The following ARID1B variants were observed in gnomAD, a reference collection of about 807,000 sequenced individuals.
ARID1B encodes AT-rich interaction domain 1B.
ARID1B carries 30 observed loss-of-function variants against 212.3 expected under a neutral mutation model. That is an observed-to-expected ratio of 0.14 (90% CI 0.11 to 0.19). ARID1B has a LOEUF of 0.19. ARID1B is among the 10% of genes least tolerant of loss of function. The probability of loss-of-function intolerance (pLI) is 1.00; values close to 1 mark genes in which losing one functional copy is unlikely to be tolerated. For synonymous variants in ARID1B, 1,402 were observed against 1,301.7 expected, an observed-to-expected ratio of 1.08 and a Z score of -1.66; for missense variants, 2,891 against 3,204.0, an observed-to-expected ratio of 0.90 and a Z score of 2.36.
At chr6:156,893,523 T>G (rs757117231) in intron 2 of ARID1B, among the ~76,000 whole-genome samples, 3 of 152,058 alleles carry the variant, frequency 2.0e-5, no homozygotes, top group Non-Finnish European at 4.4e-5. Context: ...GGAGAAAATA[T>G]TTGCAAATCA....
chr6:157,140,534 G>T (rs1789271605), intron 7 of ARID1B: 2 of 398,300 alleles, frequency 5.0e-6, no homozygotes, highest in Non-Finnish European at 8.9e-6. Flanking sequence ...ATTGTCAGTT[G>T]TCCAACCATA....
chr6:156,951,863 T>C (rs1793615025), intron 4 of ARID1B, among the ~76,000 whole-genome samples: 1 of 152,208 alleles, frequency 6.6e-6, no homozygotes, highest in Admixed American at 6.5e-5. Context: ...AAATATGAGT[T>C]TTTAATATAG....
Position 157,174,864 on chromosome 6 carries a change from G to C in ARID1B, c.3363G>C (p.Gln1121His). ...ESKSKDSYSS[Q>H]GISQPPTPGN... ...TACCACAGGATAGCTACAGCTCTCA[G>C]GGTATTTCTCAGCCCCCAACCCCAG... The change falls in exon 11 of 20, where the codon CAG (glutamine) becomes CAC (histidine). Residue 1121 changes from glutamine to histidine, a missense_variant. Physicochemically the swap from Gln to His is conservative, Grantham distance 24. This residue lies in a region of ARID1B where 1,643 missense variants were observed against 1,544.0 expected (regional missense o/e 1.06). Transcript: ENST00000636930. The C allele has an allele frequency of 6.4e-7, 1 of 1,555,002 alleles. No individual in the cohort carries two copies. The highest frequency in any genetic ancestry group is 8.7e-7 in the Non-Finnish European group (1 of 1,150,620).
chr6:157,116,053 T>C (rs1391780098), intron 6 of ARID1B, among the ~76,000 whole-genome samples: 1 of 152,220 alleles, frequency 6.6e-6, no homozygotes, highest in Non-Finnish European at 1.5e-5. Flanking sequence ...TTTATCCTTA[T>C]TTCTTAATCT....
At chr6:157,031,187 T>C (rs1340462272) in intron 4 of ARID1B, among the ~76,000 whole-genome samples, 2 of 152,226 alleles carry the variant, frequency 1.3e-5, no homozygotes, top group African/African-American at 4.8e-5. Flanking sequence ...GCAACCCATA[T>C]GCTTCTCCTG....
chr6:157,058,593 T>A (rs1347997363), intron 4 of ARID1B, among the ~76,000 whole-genome samples: 1 of 152,214 alleles, frequency 6.6e-6, no homozygotes, highest in Non-Finnish European at 1.5e-5. Flanking sequence ...TGTGCCAAAT[T>A]ATTTATTTCC....
intron 2 of ARID1B, among the ~76,000 whole-genome samples, chr6:156,896,046 G>A (rs1269205372): frequency 6.6e-5 from 10 of 152,212 alleles, no homozygotes; most frequent in South Asian, 2.1e-4. Context: ...GATATGTGGC[G>A]TCTTACTCCT....
intron 4 of ARID1B, among the ~76,000 whole-genome samples, chr6:156,953,060 T>C (rs1167446523): frequency 6.6e-6 from 1 of 152,264 alleles, no homozygotes; most frequent in East Asian, 1.9e-4. Flanking sequence ...ACTGCGTAAT[T>C]GTGAAACAGT....
intron 5 of ARID1B, among the ~76,000 whole-genome samples, chr6:157,095,738 T>G (rs1245407842): frequency 6.6e-6 from 1 of 152,224 alleles, no homozygotes; most frequent in African/African-American, 2.4e-5. Flanking sequence ...TACTGTTGTA[T>G]TCTCAAGTCC....
chr6:156,878,344 C>T (rs1786742640), intron 2 of ARID1B, among the ~76,000 whole-genome samples: 1 of 152,178 alleles, frequency 6.6e-6, no homozygotes, highest in Admixed American at 6.5e-5. Context: ...AGGGCAGGAA[C>T]AAGGGAGACC....
intron 4 of ARID1B, among the ~76,000 whole-genome samples, chr6:157,014,298 C>T (rs1483583588): frequency 6.6e-6 from 1 of 152,184 alleles, no homozygotes; most frequent in Non-Finnish European, 1.5e-5. Flanking sequence ...ACCAGTCTCC[C>T]TTGGTTCTTA....
intron 1 of ARID1B, among the ~76,000 whole-genome samples, chr6:156,826,138 A>G (rs1391405368): frequency 6.6e-6 from 1 of 152,212 alleles, no homozygotes; most frequent in South Asian, 2.1e-4. Flanking sequence ...ATTGTATCAC[A>G]TGGTGAATTT....
intron 4 of ARID1B, among the ~76,000 whole-genome samples, chr6:157,001,506 C>T (rs11156130): frequency 0.29 from 43,978 of 151,894 alleles, 6,514 homozygotes; most frequent in Non-Finnish European, 0.32. Context: ...GACCAACCAT[C>T]GAAGCAGCTA....
intron 2 of ARID1B, among the ~76,000 whole-genome samples, chr6:156,885,533 T>G (rs1787432625): frequency 6.6e-6 from 1 of 152,248 alleles, no homozygotes; most frequent in Admixed American, 6.5e-5. Flanking sequence ...TGTTACTGAT[T>G]TTAAAATGTC....
chr6:157,001,096 A>G (rs1778887386), intron 4 of ARID1B, among the ~76,000 whole-genome samples: 1 of 152,200 alleles, frequency 6.6e-6, no homozygotes, highest in African/African-American at 2.4e-5. Context: ...ATAGCTATCA[A>G]TTCCTTCAGA....
chr6:156,887,228 G>A lies in ARID1B; in HGVS notation c.1987-14148G>A, dbSNP rs1417111588. ...CTGTGTCAGTGTGCAGCCTCCTCTC[G>A]GGAGAGCAGTGGGTGCCAGTAACGT... On this transcript the variant is annotated intron_variant, in intron 2 of 19. Transcript: ENST00000636930. 3.3e-5 allele frequency among the ~76,000 whole-genome samples: 5 copies of A among 152,120 alleles called. No individual in the cohort carries two copies. In the East Asian group the frequency reaches 9.6e-4, roughly 29 times the overall value.
chr6:157,201,404 A>G lies in ARID1B; in HGVS notation c.5179A>G (p.Arg1727Gly). 6.3e-7 allele frequency: 1 copy of G among 1,589,610 alleles called. No homozygotes were observed. Residue 1727 changes from arginine to glycine, a missense_variant, in exon 18 of 20, where the codon AGG (arginine) becomes GGG (glycine). This residue lies in a region of ARID1B where 666 missense variants were observed against 873.5 expected (regional missense o/e 0.76). Transcript: ENST00000636930. The surrounding 1 kb of genome is among the most constrained non-coding windows in gnomAD (Gnocchi z 5.2). The part of the protein sequence containing the change: ...GPPPQPPPIR[R>G]EITFPPGSVE... The stretch of plus-strand genomic sequence containing the variant: ...ACCACCCCAACCACCCCCAATCAGA[A>G]GGGAGATCACCTTTCCTCCTGGCTC...
intron 4 of ARID1B, among the ~76,000 whole-genome samples, chr6:157,070,125 A>AT (rs374158502): frequency 2.6e-5 from 4 of 151,596 alleles, no homozygotes; most frequent in Admixed American, 6.6e-5. Flanking sequence ...ACTACTGATC[A>AT]TTTTTTTTCT....
At chr6:157,154,006 A>G (rs1457209546) in intron 8 of ARID1B, among the ~76,000 whole-genome samples, 2 of 152,228 alleles carry the variant, frequency 1.3e-5, no homozygotes, top group East Asian at 1.9e-4. Flanking sequence ...GTGCACAGGT[A>G]GAATAACTTT....
Sources: gnomAD v4.1 joint callset for allele counts (sites outside exome capture counted in the v4.1 genomes callset) on GRCh38, gnomAD v4.1.1 for gene constraint, gnomAD v4.1.1 regional missense constraint, Gnocchi (gnomAD v3.1) non-coding constraint, MANE v1.5 for transcripts, NCBI Gene and HGNC (gene_info 2026-07-23, HGNC 2026-07-21) for gene names.